Variants in NRG1 observed in about 807,000 individuals in gnomAD.
NRG1 encodes neuregulin 1, also known as pro-neuregulin-1, membrane-bound isoform.
NRG1 carries 18 observed loss-of-function variants against 63.8 expected under a neutral mutation model. The observed-to-expected ratio is 0.28, with a 90% CI of 0.19 to 0.42. The LOEUF is 0.42. Among genes scored for constraint, NRG1 ranks in the 10% least tolerant of loss-of-function variants. NRG1 has a pLI of 1.00. For missense variants in NRG1, 762 were observed against 814.7 expected (o/e 0.94, Z 0.79); for synonymous variants, 302 against 301.3 (o/e 1.00, Z -0.02).
intron 1 of NRG1, among the ~76,000 whole-genome samples, chr8:32,048,344 T>A (rs1479492767): frequency 2.0e-5 from 3 of 149,430 alleles, no homozygotes; most frequent in Non-Finnish European, 4.4e-5. Context: ...TGTATGTATG[T>A]ATGAATATAC....
At chr8:32,603,727 G>A (rs920593804) in intron 2 of NRG1, among the ~76,000 whole-genome samples, 4 of 151,998 alleles carry the variant, frequency 2.6e-5, no homozygotes, top group African/African-American at 7.2e-5. Context: ...TGTCTTCCTC[G>A]GCCTCCCAAA....
chr8:31,968,284 T>G (rs1385544141), intron 1 of NRG1, among the ~76,000 whole-genome samples: 1 of 152,164 alleles, frequency 6.6e-6, no homozygotes, highest in Non-Finnish European at 1.5e-5. Context: ...AGTGCTGTAT[T>G]GAGAAGGATT....
At chr8:32,027,503 T>C (rs960493591) in intron 1 of NRG1, among the ~76,000 whole-genome samples, 1 of 132,736 alleles carries the variant, frequency 7.5e-6, no homozygotes, top group Non-Finnish European at 1.6e-5. Flanking sequence ...AGGAGGATTT[T>C]ATAGTTGCCA....
rs144554545 is a variant in NRG1 at position 31,914,261 on chromosome 8, C to T, written c.37+274830C>T. ...ATTCATTTTGCCTTAAAACGCAAAG[C>T]ATCAGTAAACATTGTTAGCATTGTT... On this transcript the variant is annotated intron_variant, in intron 1 of 10. Transcript: ENST00000519301. Among the ~76,000 whole-genome samples the T allele has an allele frequency of 4.0e-4, 60 of 151,658 alleles. 1 individual carries two copies. The highest frequency in any genetic ancestry group is 1.3e-3 in the African/African-American group (54 of 41,392).
At chr8:32,596,966 T>C (rs4501543) in intron 2 of NRG1, among the ~76,000 whole-genome samples, 59,713 of 151,908 alleles carry the variant, frequency 0.39, 13,451 homozygotes, top group Non-Finnish European at 0.5. Context: ...ATGCATTCTG[T>C]ATCTACTCTA....
intron 1 of NRG1, among the ~76,000 whole-genome samples, chr8:32,143,368 A>T (rs769278865): frequency 6.6e-6 from 1 of 152,240 alleles, no homozygotes; most frequent in Non-Finnish European, 1.5e-5. Context: ...GGATGATTCT[A>T]TACATAAATA....
intron 1 of NRG1, among the ~76,000 whole-genome samples, chr8:31,999,337 G>C (rs775102326): frequency 6.6e-6 from 1 of 151,776 alleles, no homozygotes; most frequent in Non-Finnish European, 1.5e-5. Flanking sequence ...ATCATACTTA[G>C]CTTAAATTAT....
At chr8:32,031,890 T>C (rs1818309247) in intron 1 of NRG1, among the ~76,000 whole-genome samples, 1 of 152,200 alleles carries the variant, frequency 6.6e-6, no homozygotes, top group African/African-American at 2.4e-5. Context: ...ATTCCATGTC[T>C]TTGCTATCGT....
intron 1 of NRG1, among the ~76,000 whole-genome samples, chr8:32,059,725 C>T (rs754039092): frequency 1.3e-5 from 2 of 151,942 alleles, no homozygotes; most frequent in Non-Finnish European, 2.9e-5. Context: ...CGATGACATA[C>T]TTGAGAATCC....
intron 1 of NRG1, among the ~76,000 whole-genome samples, chr8:32,107,601 A>G (rs1319202066): frequency 2.0e-5 from 3 of 152,218 alleles, no homozygotes; most frequent in Non-Finnish European, 4.4e-5. Flanking sequence ...ATAACACTGA[A>G]TAATAGCAAT....
At chr8:32,018,220 C>A (rs1338234417) in intron 1 of NRG1, among the ~76,000 whole-genome samples, 1 of 152,176 alleles carries the variant, frequency 6.6e-6, no homozygotes, top group African/African-American at 2.4e-5. Context: ...TCCCTTACAT[C>A]ATTCCTTCCT....
intron 1 of NRG1, among the ~76,000 whole-genome samples, chr8:32,261,695 G>A (rs1040938198): frequency 1.3e-5 from 2 of 151,938 alleles, no homozygotes; most frequent in African/African-American, 2.4e-5. Flanking sequence ...TGTATTGGAC[G>A]GTAAAGGCCA....
chr8:32,320,995 T>C (rs1801317789), intron 1 of NRG1, among the ~76,000 whole-genome samples: 1 of 152,136 alleles, frequency 6.6e-6, no homozygotes, highest in African/African-American at 2.4e-5. Flanking sequence ...TATTTTATGG[T>C]GGTGAGGGGA....
chr8:32,281,286 C>T (rs1318966166), intron 1 of NRG1, among the ~76,000 whole-genome samples: 1 of 149,308 alleles, frequency 6.7e-6, no homozygotes, highest in Non-Finnish European at 1.5e-5. Flanking sequence ...AAGCGATTCC[C>T]CCTGCCTCAG....
intron 1 of NRG1, among the ~76,000 whole-genome samples, chr8:31,797,112 A>T (rs559622375): frequency 6.6e-6 from 1 of 152,292 alleles, no homozygotes; most frequent in African/African-American, 2.4e-5. Flanking sequence ...CCTTATTGAC[A>T]TGTGGGCTTT....
intron 1 of NRG1, among the ~76,000 whole-genome samples, chr8:31,979,484 A>T (rs1049112929): frequency 1.3e-5 from 2 of 152,044 alleles, no homozygotes. Context: ...CTTACTTCCT[A>T]TATAAAATCT....
intron 1 of NRG1, among the ~76,000 whole-genome samples, chr8:32,090,191 T>C (rs1395314526): frequency 1.3e-5 from 2 of 152,228 alleles, no homozygotes; most frequent in Non-Finnish European, 2.9e-5. Context: ...ATACCTTACA[T>C]AGATCAGATG....
At chr8:32,039,439 G>T (rs1819583070) in intron 1 of NRG1, among the ~76,000 whole-genome samples, 1 of 152,184 alleles carries the variant, frequency 6.6e-6, no homozygotes, top group South Asian at 2.1e-4. Flanking sequence ...AGATGCTATA[G>T]CACACAACTC....
intron 1 of NRG1, among the ~76,000 whole-genome samples, chr8:32,516,594 T>C (rs1243908992): frequency 6.6e-6 from 1 of 152,204 alleles, no homozygotes; most frequent in African/African-American, 2.4e-5. Flanking sequence ...GTGTCATCTG[T>C]TTGTTTCTTT....
Sources: allele counts gnomAD v4.1 joint callset (sites outside exome capture counted in the v4.1 genomes callset), GRCh38; gene constraint gnomAD v4.1.1; transcripts MANE v1.5; gene names NCBI Gene and HGNC (gene_info 2026-07-23, HGNC 2026-07-21).